The following TNR variants were observed in gnomAD, a reference collection of about 807,000 sequenced individuals.
TNR encodes tenascin-R.
TNR carries 45 observed loss-of-function variants against 150.4 expected under a neutral mutation model. The observed-to-expected ratio is 0.30, with a 90% CI of 0.24 to 0.38. The LOEUF is 0.38. Ranked by LOEUF, TNR falls within the 10% of genes least tolerant of loss-of-function variation. The probability of loss-of-function intolerance (pLI) is 1.00; values close to 1 mark genes in which losing one functional copy is unlikely to be tolerated. For synonymous variants in TNR, 687 were observed against 678.4 expected, an observed-to-expected ratio of 1.01 and a Z score of -0.20; for missense variants, 1,544 against 1,759.1, an observed-to-expected ratio of 0.88 and a Z score of 2.19.
chr1:175,685,212 T>C (rs1666153747), intron 1 of TNR, among the ~76,000 whole-genome samples: 1 of 152,216 alleles, frequency 6.6e-6, no homozygotes, highest in African/African-American at 2.4e-5. Context: ...CAGTAATTGA[T>C]CTTCAATTTA....
chr1:175,468,361 G>T (rs1657125072), intron 2 of TNR, among the ~76,000 whole-genome samples: 1 of 152,176 alleles, frequency 6.6e-6, no homozygotes, highest in Non-Finnish European at 1.5e-5. Context: ...TAATTGAGGT[G>T]ACGCATTGAA....
At chr1:175,570,096 A>G (rs1219878470) in intron 1 of TNR, among the ~76,000 whole-genome samples, 1 of 152,198 alleles carries the variant, frequency 6.6e-6, no homozygotes, top group Non-Finnish European at 1.5e-5. Context: ...AATTCCATCT[A>G]TAGGTTTTGT....
chr1:175,371,157 A>G (rs898303403), intron 9 of TNR, among the ~76,000 whole-genome samples: 3 of 151,840 alleles, frequency 2.0e-5, no homozygotes, highest in Non-Finnish European at 4.4e-5. Context: ...CTCACTTTTT[A>G]AAGACCCCAT....
chr1:175,618,965 C>G (rs1028145979), intron 1 of TNR, among the ~76,000 whole-genome samples: 1 of 152,180 alleles, frequency 6.6e-6, no homozygotes, highest in Non-Finnish European at 1.5e-5. Flanking sequence ...TCTGGCTGTT[C>G]ATTAGGGCAC....
intron 1 of TNR, among the ~76,000 whole-genome samples, chr1:175,720,915 T>C (rs542331189): frequency 6.6e-6 from 1 of 152,334 alleles, no homozygotes; most frequent in South Asian, 2.1e-4. Context: ...ACCTTTTCCA[T>C]GAAGACTTTC....
intron 1 of TNR, among the ~76,000 whole-genome samples, chr1:175,654,779 C>A (rs758408025): frequency 9.2e-5 from 13 of 140,770 alleles, no homozygotes; most frequent in Admixed American, 3.0e-4. Context: ...CAGGCAGTGG[C>A]GCGACCTCAG....
intron 1 of TNR, among the ~76,000 whole-genome samples, chr1:175,662,593 T>A (rs1665411368): frequency 6.6e-6 from 1 of 152,226 alleles, no homozygotes; most frequent in Non-Finnish European, 1.5e-5. Context: ...ACTAGTCTTA[T>A]CCAAACCTGT....
intron 1 of TNR, among the ~76,000 whole-genome samples, chr1:175,588,615 T>C (rs1016961104): frequency 2.0e-5 from 3 of 152,226 alleles, no homozygotes; most frequent in Admixed American, 1.3e-4. Flanking sequence ...AAACACGGGC[T>C]GCTCTGGTTG....
chr1:175,390,180 G>A (rs886331415), intron 7 of TNR, among the ~76,000 whole-genome samples: 1 of 152,184 alleles, frequency 6.6e-6, no homozygotes, highest in African/African-American at 2.4e-5. Context: ...GGCACCTGAT[G>A]CTGTTTGGTT....
chr1:175,627,412 G>T (rs1251425091), intron 1 of TNR, among the ~76,000 whole-genome samples: 1 of 152,176 alleles, frequency 6.6e-6, no homozygotes, highest in African/African-American at 2.4e-5. Context: ...ACAGAACAGT[G>T]GATGGGGATG....
rs547784377 is a variant in TNR, at chr1:175,345,471, T to C, written c.3383-7792A>G. The stretch of plus-strand genomic sequence containing the variant: ...AGCACAATAACTTTATTTAAGGAGG[T>C]AAGTAAATTAACAATATAAAAAAGG... On this transcript the variant is annotated intron_variant, in intron 18 of 22. Coordinates refer to ENST00000367674, the MANE Select transcript of TNR (RefSeq NM_003285.3). Among the ~76,000 whole-genome samples, 15 of 152,136 alleles carry C rather than the reference T, an allele frequency of 9.9e-5. No homozygotes were observed. In the South Asian group the frequency reaches 3.1e-3, roughly 32 times the overall value.
intron 2 of TNR, among the ~76,000 whole-genome samples, chr1:175,413,824 T>C (rs779687263): frequency 2.6e-5 from 4 of 152,122 alleles, no homozygotes; most frequent in Non-Finnish European, 4.4e-5. Context: ...TGAATGGGAT[T>C]AGTGCCCTTA....
At chr1:175,687,578 C>T (rs968314230) in intron 1 of TNR, among the ~76,000 whole-genome samples, 2 of 152,086 alleles carry the variant, frequency 1.3e-5, no homozygotes, top group Non-Finnish European at 2.9e-5. Context: ...ATTTCTAAAC[C>T]TTTCTAGACA....
intron 1 of TNR, among the ~76,000 whole-genome samples, chr1:175,724,281 A>C (rs1667419253): frequency 6.6e-6 from 1 of 152,184 alleles, no homozygotes; most frequent in African/African-American, 2.4e-5. Flanking sequence ...GTCTCAGGAA[A>C]ATTACAATCA....
chr1:175,373,280 T>C (rs538120311), intron 9 of TNR, among the ~76,000 whole-genome samples: 2 of 152,278 alleles, frequency 1.3e-5, no homozygotes, highest in South Asian at 2.1e-4. Flanking sequence ...GGGTCCCTCA[T>C]AGAGAAATTT....
intron 15 of TNR, among the ~76,000 whole-genome samples, chr1:175,359,136 C>CTTTTT (rs1557883635): frequency 6.5e-5 from 2 of 30,962 alleles, no homozygotes; most frequent in African/African-American, 8.8e-5. Flanking sequence ...TTGGGGATAT[C>CTTTTT]TTCTTTTTTT....
intron 1 of TNR, among the ~76,000 whole-genome samples, chr1:175,687,848 C>T (rs1362455820): frequency 3.9e-5 from 6 of 152,132 alleles, no homozygotes; most frequent in South Asian, 2.1e-4. Flanking sequence ...CTGCTGTTAG[C>T]GCCCCCCACC....
Position 175,362,395 on chromosome 1 carries a change from T to C in TNR, c.2854+268A>G, listed in dbSNP as rs1313881793. On this transcript the variant is annotated intron_variant, in intron 14 of 22. Coordinates refer to ENST00000367674, the MANE Select transcript of TNR (RefSeq NM_003285.3). ...TGTTTTAGAATTCACTTCCATTATA[T>C]GTCTGAAAGGGCACTGTTTATGTTG... Among the ~76,000 whole-genome samples, 4 of 152,354 alleles carry C rather than the reference T, an allele frequency of 2.6e-5. No individual in the cohort carries two copies. The South Asian group carries it at 6.2e-4, about 24-fold the overall frequency.
At chr1:175,622,039 G>C (rs1011648338) in intron 1 of TNR, among the ~76,000 whole-genome samples, 1 of 152,240 alleles carries the variant, frequency 6.6e-6, no homozygotes, top group Non-Finnish European at 1.5e-5. Flanking sequence ...TAAGAGCATT[G>C]AGTGAGATAA....
Sources: gnomAD v4.1 joint callset for allele counts (sites outside exome capture counted in the v4.1 genomes callset) on GRCh38, gnomAD v4.1.1 for gene constraint, MANE v1.5 for transcripts, NCBI Gene and HGNC (gene_info 2026-07-23, HGNC 2026-07-21) for gene names.